The following ENOX1 variants were observed in gnomAD, a reference collection of about 807,000 sequenced individuals.
ENOX1 encodes the protein candidate growth-related and time keeping constitutive hydroquinone (NADH) oxidase.
A neutral mutation model predicts 82.5 loss-of-function variants in ENOX1; 42 were observed. That is an observed-to-expected ratio of 0.51 (90% CI 0.40 to 0.66). The LOEUF (loss-of-function observed/expected upper bound fraction) is 0.66, where lower values mean the gene tolerates loss of function less well. Among genes scored for constraint, ENOX1 ranks in the 30% least tolerant of loss-of-function variants. ENOX1 has a pLI of 0.00. For synonymous variants in ENOX1, 271 were observed against 282.2 expected, an observed-to-expected ratio of 0.96 and a Z score of 0.40; for missense variants, 608 against 811.6, an observed-to-expected ratio of 0.75 and a Z score of 3.05.
intron 1 of ENOX1, among the ~76,000 whole-genome samples, chr13:43,722,114 T>C (rs7335412): frequency 1 from 151,743 of 152,344 alleles, 75,574 homozygotes; most frequent in East Asian, 1. Context: ...ATTGGATTAG[T>C]CTTTGTGATC....
chr13:43,513,593 A>G (rs1269857762), intron 2 of ENOX1, among the ~76,000 whole-genome samples: 1 of 152,140 alleles, frequency 6.6e-6, no homozygotes, highest in East Asian at 1.9e-4. Flanking sequence ...CCAGTGAATC[A>G]TCTGTAACAA....
chr13:43,607,981 A>G, intron 2 of ENOX1, among the ~76,000 whole-genome samples: 1 of 152,200 alleles, frequency 6.6e-6, no homozygotes, highest in Admixed American at 6.5e-5. Context: ...CAAGTCACTG[A>G]GCAGAGAAAC....
chr13:43,480,970 G>A (rs979992675), intron 3 of ENOX1, among the ~76,000 whole-genome samples: 1 of 152,120 alleles, frequency 6.6e-6, no homozygotes. Context: ...AATTGAAAAG[G>A]ATGGAACATT....
At chr13:43,697,319 G>T (rs1296346009) in intron 1 of ENOX1, among the ~76,000 whole-genome samples, 1 of 152,188 alleles carries the variant, frequency 6.6e-6, no homozygotes, top group Non-Finnish European at 1.5e-5. Flanking sequence ...ACAGGGAGAA[G>T]AAAAGTGGCC....
At chr13:43,269,664 T>A in intron 12 of ENOX1, 87 bp from the exon 13 acceptor site, 1 of 1,031,722 alleles carries the variant, frequency 9.7e-7, no homozygotes, top group Non-Finnish European at 1.5e-6. Context: ...AAATTATGAG[T>A]AGAAGATGTT....
At chr13:43,277,446 C>G (rs955816071) in intron 12 of ENOX1, among the ~76,000 whole-genome samples, 2 of 152,152 alleles carry the variant, frequency 1.3e-5, no homozygotes, top group Admixed American at 6.5e-5. Context: ...GGGGTCATGC[C>G]TATCATTACT....
intron 2 of ENOX1, among the ~76,000 whole-genome samples, chr13:43,486,893 C>T (rs1231766861): frequency 2.6e-5 from 4 of 152,212 alleles, no homozygotes; most frequent in African/African-American, 7.2e-5. Context: ...GAAATGTTGG[C>T]GGGATGCAGT....
At chr13:43,309,897 C>T (rs546511196) in intron 11 of ENOX1, among the ~76,000 whole-genome samples, 2 of 152,168 alleles carry the variant, frequency 1.3e-5, no homozygotes, top group East Asian at 3.9e-4. Context: ...TTATTCTTAC[C>T]AGAGCCTCCT....
intron 1 of ENOX1, among the ~76,000 whole-genome samples, chr13:43,681,686 A>AC (rs2085791179): frequency 1.5e-5 from 2 of 135,264 alleles, no homozygotes; most frequent in Non-Finnish European, 3.2e-5. Context: ...ATAATGCATA[A>AC]ACACACACAC....
intron 11 of ENOX1, among the ~76,000 whole-genome samples, chr13:43,310,702 TAAGAAAGAAAGAA>T (rs1045210616): frequency 2.0e-5 from 3 of 152,000 alleles, no homozygotes; most frequent in African/African-American, 4.8e-5. Context: ...TTTCAATTAC[TAAGAAAGAAAGAA>T]AAGAAAGAAA....
chr13:43,525,769 T>C (rs964324378), intron 2 of ENOX1, among the ~76,000 whole-genome samples: 2 of 152,160 alleles, frequency 1.3e-5, no homozygotes, highest in Non-Finnish European at 2.9e-5. Flanking sequence ...TAGCCATTTG[T>C]ATATCTTCTT....
intron 2 of ENOX1, among the ~76,000 whole-genome samples, chr13:43,541,173 G>GTGTTTTT (rs1555317901): frequency 1.4e-4 from 9 of 64,582 alleles, no homozygotes; most frequent in African/African-American, 4.5e-4. Context: ...TCTTCCCTCT[G>GTGTTTTT]TTTTTTTTTT....
intron 1 of ENOX1, among the ~76,000 whole-genome samples, chr13:43,673,128 AG>A (rs2085345802): frequency 6.6e-6 from 1 of 152,016 alleles, no homozygotes; most frequent in African/African-American, 2.4e-5. Flanking sequence ...TAAAAAAAGC[AG>A]GTTTTTAAAA....
At chr13:43,515,788 G>A (rs2077537765) in intron 2 of ENOX1, among the ~76,000 whole-genome samples, 1 of 152,098 alleles carries the variant, frequency 6.6e-6, no homozygotes. Context: ...GAGCTTCATG[G>A]AACAGATCAG....
At chr13:43,284,340 C>T (rs1204172802) in intron 12 of ENOX1, among the ~76,000 whole-genome samples, 3 of 152,144 alleles carry the variant, frequency 2.0e-5, no homozygotes, top group African/African-American at 7.2e-5. Flanking sequence ...GCATACCACC[C>T]TATGTTTAAA....
At chr13:43,298,663 C>T (rs4456400) in intron 11 of ENOX1, 133 bp from the exon 12 acceptor site, 690,800 of 700,508 alleles carry the variant, frequency 0.99, 341,294 homozygotes, top group East Asian at 1. Context: ...CAAAATGCCA[C>T]TCCCTGGGCC....
intron 2 of ENOX1, among the ~76,000 whole-genome samples, chr13:43,632,724 G>C (rs909112934): frequency 1.3e-5 from 2 of 152,122 alleles, no homozygotes; most frequent in African/African-American, 4.8e-5. Context: ...TGGGATTACA[G>C]GCGTGAACCA....
At chr13:43,702,881 A>G (rs1339557296) in intron 1 of ENOX1, among the ~76,000 whole-genome samples, 1 of 136,982 alleles carries the variant, frequency 7.3e-6, no homozygotes, top group Non-Finnish European at 1.5e-5. Flanking sequence ...TGAAGCCGGG[A>G]GGCAGAGGCT....
Position 43,213,888 on chromosome 13 carries a change from A to C in ENOX1, c.*102T>G. The C allele has an allele frequency of 7.4e-7, 1 of 1,350,238 alleles. No homozygotes were observed. The highest frequency in any genetic ancestry group is 1.0e-6 in the Non-Finnish European group (1 of 1,002,054). The allele number at this position is 1,350,238 out of a possible 1,614,324, so 83.6% of individuals were successfully genotyped here. A position where few individuals can be genotyped will look rare whatever the true frequency, so the allele number is the denominator to read the frequency against. On this transcript the variant is annotated 3_prime_UTR_variant, in exon 17 of 17. Transcript: ENST00000690772. ...AAAGGCAGGCTTCGATGGCTCCACA[A>C]AGGTTGCGTGCTGGACCAACCCCAC...
Sources: allele counts gnomAD v4.1 joint callset (sites outside exome capture counted in the v4.1 genomes callset), GRCh38; gene constraint gnomAD v4.1.1; transcripts MANE v1.5; gene names NCBI Gene and HGNC (gene_info 2026-07-23, HGNC 2026-07-21).